Variants in STRA6 observed in about 807,000 individuals in gnomAD.
The protein encoded by STRA6 is signaling receptor and transporter of retinol STRA6, also known as receptor for retinol uptake STRA6.
In STRA6, 48 loss-of-function variants were observed where a neutral mutation model predicts 83.6. That is an observed-to-expected ratio of 0.57 (90% confidence interval 0.46 to 0.73). The LOEUF (loss-of-function observed/expected upper bound fraction) is 0.73, where lower values mean the gene tolerates loss of function less well. Ranked by LOEUF, STRA6 falls within the 30% of genes least tolerant of loss-of-function variation. The pLI is 0.00. For synonymous variants in STRA6, 353 were observed against 362.3 expected (o/e 0.97, Z 0.29); for missense variants, 760 against 838.8 (o/e 0.91, Z 1.16).
At chr15:74,194,782 C>G in intron 7 of STRA6, 1 of 1,276,370 alleles carries the variant, frequency 7.8e-7, no homozygotes, top group Non-Finnish European at 9.9e-7. Flanking sequence ...GATTCACACT[C>G]AGGTTGTCTG....
At chr15:74,181,152 C>A in intron 17 of STRA6, 143 bp downstream of exon 17, 1 of 1,393,192 alleles carries the variant, frequency 7.2e-7, no homozygotes. Flanking sequence ...ACAGGAGGCA[C>A]AGCGCAGGGG....
intron 12 of STRA6, 37 bp downstream of exon 12, chr15:74,189,078 C>G (rs1189774688): frequency 3.7e-6 from 6 of 1,612,620 alleles, no homozygotes; most frequent in Non-Finnish European, 5.1e-6. Flanking sequence ...GCTTTCATTC[C>G]CCACTGCAGC....
chr15:74,204,258 C>A (rs1334170275), upstream of STRA6, among the ~76,000 whole-genome samples: 2 of 152,240 alleles, frequency 1.3e-5, no homozygotes, highest in African/African-American at 4.8e-5. Context: ...TCCCGGAGGG[C>A]GGGACTCTAT....
chr15:74,207,765 T>C, upstream of STRA6: 1 of 1,535,666 alleles, frequency 6.5e-7, no homozygotes, highest in Non-Finnish European at 8.7e-7. Context: ...TGCGGGCCCG[T>C]GAGCTTGGGG....
upstream of STRA6, among the ~76,000 whole-genome samples, chr15:74,204,083 T>C (rs556126257): frequency 6.6e-6 from 1 of 152,312 alleles, no homozygotes; most frequent in Non-Finnish European, 1.5e-5. Context: ...CAAATGGCCC[T>C]TCTTGCAGGA....
chr15:74,191,208 GC>G lies in STRA6; in HGVS notation c.823del (p.Ala275ProfsTer5), dbSNP rs1357307299. The G allele has an allele frequency of 2.5e-6, 4 of 1,613,492 alleles. No homozygotes were observed. ...HTSKHGFLSW[A>X]RVCLRHCIYT... Reference sequence around the variant, plus strand: ...GATGCAGTGTCTCAAGCAGACGCGGGCCCAGGACAGGAAGCCATGCTTGGAG... The same window carrying G: ...GATGCAGTGTCTCAAGCAGACGCGGGCCAGGACAGGAAGCCATGCTTGGAG... On this transcript the variant is annotated frameshift_variant, in exon 10 of 19. Transcript: ENST00000395105. LOFTEE classifies it high-confidence loss of function.
chr15:74,189,031 T>G, intron 12 of STRA6, 84 bp downstream of exon 12: 1 of 1,531,818 alleles, frequency 6.5e-7, no homozygotes, highest in Non-Finnish European at 8.9e-7. Context: ...CCCCAGTGTG[T>G]CCATGGCTGA....
intron 12 of STRA6, among the ~76,000 whole-genome samples, chr15:74,185,334 T>A (rs2073190617): frequency 6.6e-6 from 1 of 152,252 alleles, no homozygotes; most frequent in Non-Finnish European, 1.5e-5. Context: ...CTTCTATTGC[T>A]GTGGGACCTC....
In STRA6 at chr15:74,182,342, C is replaced by T. The variant is rs1470316784; in HGVS notation, c.1418+1G>A. 1.2e-6 allele frequency: 2 copies of T among 1,614,036 alleles called. No homozygotes were observed. The highest frequency in any genetic ancestry group is 2.7e-5 in the African/African-American group (2 of 74,904). On this transcript the variant is annotated splice_donor_variant, in intron 15 of 18. Coordinates refer to ENST00000395105, the MANE Select transcript of STRA6 (RefSeq NM_022369.4). LOFTEE classifies it high-confidence loss of function. ...AGCCCTCCATGTCTTGTTTCACTCA[C>T]CACGAGGACTCCAGGGAACGGAAGA...
rs351239 is a variant in STRA6, at chr15:74,184,289, A to C, written c.1167-300T>G. Among the ~76,000 whole-genome samples the C allele has an allele frequency of 0.97, 147,004 of 152,330 alleles. 71,174 individuals carry two copies. The highest frequency in any genetic ancestry group is 1 in the East Asian group (5,188 of 5,188). On this transcript the variant is annotated intron_variant, in intron 13 of 18. Transcript: ENST00000395105. The stretch of plus-strand genomic sequence containing the variant: ...ATGGAAGTGACACACAGCACAGCCA[A>C]CAGGTAAAGAGGCAAGGCAAGCACA...
At position 74,195,991 on chromosome 15, in the gene STRA6, T is replaced by TG. The variant is rs756521871; in HGVS notation, c.406+16dup. 24 of 1,613,508 alleles carry TG rather than the reference T, an allele frequency of 1.5e-5. No individual in the cohort carries two copies. Among genetic ancestry groups the TG allele is most frequent in the South Asian group, 1.4e-4 (13 of 91,030 alleles). On this transcript the variant is annotated intron_variant, in intron 5 of 18. Coordinates refer to ENST00000395105, the MANE Select transcript of STRA6 (RefSeq NM_022369.4). ...ATCCCATCACACCAACCCCAGGGCC[T>TG]GGGGGTCAGTGGGTACCTTGGCTGG...
rs759887263 is a variant in STRA6 at position 74,181,318 on chromosome 15, G to A, written c.1661C>T (p.Pro554Leu). 3.2e-5 allele frequency: 52 copies of A among 1,611,642 alleles called. No individual in the cohort carries two copies. The highest frequency in any genetic ancestry group is 2.3e-4 in the Admixed American group (14 of 59,906). The change falls in exon 17 of 19, where the codon CCG becomes CTG. Residue 554 changes from proline to leucine, a missense_variant. By Grantham distance (98) the Pro-to-Leu change is moderately conservative. Transcript: ENST00000395105. ...ACCGGGGTCGAGAGTGGCGGCTCTC[G>A]GTGGCAGCAGGCTGAGGTCCATCTG... The part of the protein sequence containing the change: ...LGQMDLSLLP[P>L]RAATLDPGYY...
At chr15:74,210,674 G>A (rs560442066), upstream of STRA6, among the ~76,000 whole-genome samples, 37 of 152,308 alleles carry the variant, frequency 2.4e-4, no homozygotes, top group African/African-American at 8.9e-4. Context: ...TGTGAGTAAG[G>A]AGCTGTGAAG....
At position 74,208,119 on chromosome 15, in the gene STRA6, G is replaced by A. The variant is rs557718756; in HGVS notation, c.-16+681C>T. Reference sequence around the variant, plus strand: ...ACTGGTGAGGAGGAGGAGGGTAGCCGGCTGTGCCAGGGGAGCAGCATGTTC... The same window carrying A: ...ACTGGTGAGGAGGAGGAGGGTAGCCAGCTGTGCCAGGGGAGCAGCATGTTC... On this transcript the variant is annotated intron_variant, in intron 1 of 18. Transcript: ENST00000323940. The A allele has an allele frequency of 3.4e-4, 366 of 1,070,888 alleles. No homozygotes were observed. In the African/African-American group the frequency reaches 5.3e-3, roughly 15 times the overall value. The allele number at this position is 1,070,888 out of a possible 1,614,324, so 66.3% of individuals were successfully genotyped here.
intron 16 of STRA6, among the ~76,000 whole-genome samples, 178 bp from the exon 17 acceptor site, chr15:74,181,636 G>A (rs980159964): frequency 2.0e-5 from 3 of 152,176 alleles, no homozygotes; most frequent in African/African-American, 7.2e-5. Flanking sequence ...CACCATGCTG[G>A]GAGATGGGAA....
intron 13 of STRA6, 121 bp downstream of exon 13, chr15:74,184,859 C>T (rs921564114): frequency 2.0e-5 from 20 of 995,814 alleles, no homozygotes; most frequent in Non-Finnish European, 2.8e-5. Flanking sequence ...AGGTGGGCTC[C>T]ATGACAGCCC....
chr15:74,195,162 G>C, intron 7 of STRA6, 140 bp downstream of exon 7: 1 of 1,524,982 alleles, frequency 6.6e-7, no homozygotes, highest in Admixed American at 2.0e-5. Flanking sequence ...AGGGGCACAT[G>C]TTTGAAGGCA....
rs1198336305 is a variant in STRA6 at position 74,184,004 on chromosome 15, A to C, written c.1167-15T>G. On this transcript the variant is annotated splice_polypyrimidine_tract_variant and intron_variant, in intron 13 of 18. Transcript: ENST00000395105. Reference sequence around the variant, plus strand: ...GAAGGTTGGTCCTGGGGTGGGAGCCAGGGAGGCAGAGACCTCAGGGAGCAA... The same window carrying C: ...GAAGGTTGGTCCTGGGGTGGGAGCCCGGGAGGCAGAGACCTCAGGGAGCAA... The C allele has an allele frequency of 6.2e-7, 1 of 1,611,772 alleles. No homozygotes were observed. Among genetic ancestry groups the C allele is most frequent in the African/African-American group, 1.3e-5 (1 of 74,922 alleles).
rs1344328524 is a variant in STRA6, at chr15:74,189,205, A to G, written c.1000T>C (p.Ser334Pro). 6.2e-7 allele frequency: 1 copy of G among 1,613,360 alleles called. No individual in the cohort carries two copies. The highest frequency in any genetic ancestry group is 1.7e-4 in the Middle Eastern group (1 of 6,060). The change falls in exon 12 of 19, where the codon TCC becomes CCC. Residue 334 changes from serine to proline, a missense_variant. Transcript: ENST00000395105. ...ATTCCAAAGCCGGCCAGCAGGTAGGAGACATCCGTGGTGACCCCTGCCCTC... is the reference window on the plus strand; with the variant it reads ...ATTCCAAAGCCGGCCAGCAGGTAGGGGACATCCGTGGTGACCCCTGCCCTC... ...KVRAGVTTDV[S>P]YLLAGFGIVL...
Sources: allele counts gnomAD v4.1 joint callset (sites outside exome capture counted in the v4.1 genomes callset), GRCh38; gene constraint gnomAD v4.1.1; transcripts MANE v1.5; gene names NCBI Gene and HGNC (gene_info 2026-07-23, HGNC 2026-07-21).